The following ELMO1 variants were observed in gnomAD, a reference collection of about 807,000 sequenced individuals.
ELMO1 encodes the protein engulfment and cell motility 1, also known as engulfment and cell motility protein 1.
ELMO1 carries 26 observed loss-of-function variants against 98.9 expected under a neutral mutation model. The observed-to-expected ratio is 0.26, with a 90% CI of 0.19 to 0.36. The LOEUF (loss-of-function observed/expected upper bound fraction) is 0.36. Ranked by LOEUF, ELMO1 falls within the 10% of genes least tolerant of loss-of-function variation. The pLI is 1.00. For synonymous variants in ELMO1, 346 were observed against 346.0 expected (o/e 1.00, Z 0.00); for missense variants, 627 against 935.2 (o/e 0.67, Z 4.30).
intron 16 of ELMO1, chr7:36,985,855 G>C (rs1324649445): frequency 1.0e-6 from 1 of 976,594 alleles, no homozygotes; most frequent in Non-Finnish European, 1.2e-6. Context: ...CAGACAATAG[G>C]ACAAAGCTAC....
At chr7:37,395,137 A>C (rs1295872823) in intron 1 of ELMO1, among the ~76,000 whole-genome samples, 1 of 152,066 alleles carries the variant, frequency 6.6e-6, no homozygotes, top group Non-Finnish European at 1.5e-5. Flanking sequence ...AGGCCGAGGC[A>C]GGCAGATCAC....
At chr7:37,037,307 G>T (rs4723609) in intron 15 of ELMO1, among the ~76,000 whole-genome samples, 149,659 of 152,352 alleles carry the variant, frequency 0.98, 73,516 homozygotes, top group East Asian at 1. Flanking sequence ...GTTGTTCTGT[G>T]ATTTTCAATA....
rs1411261942 is a variant in ELMO1 at position 37,010,611 on chromosome 7, G to A, written c.1437+2688C>T. On this transcript the variant is annotated intron_variant, in intron 16 of 21. Transcript: ENST00000310758. ...GGAATGCAGGTGACCACCAGAAAGT[G>A]AAAAAGGCAAGGAAACAAATTCTCT... Among the ~76,000 whole-genome samples, 4 of 152,262 alleles carry A rather than the reference G, an allele frequency of 2.6e-5. No individual in the cohort carries two copies. The East Asian group carries it at 5.8e-4, about 22-fold the overall frequency.
intron 16 of ELMO1, among the ~76,000 whole-genome samples, chr7:36,942,764 C>T (rs997639333): frequency 2.0e-5 from 3 of 151,986 alleles, no homozygotes; most frequent in Non-Finnish European, 4.4e-5. Context: ...GATTTAGTGC[C>T]CTAGCCAGGA....
At chr7:37,130,538 G>A (rs959128332) in intron 14 of ELMO1, among the ~76,000 whole-genome samples, 2 of 152,226 alleles carry the variant, frequency 1.3e-5, no homozygotes, top group East Asian at 1.9e-4. Flanking sequence ...CAAGGCCAAC[G>A]AGACAAAGGA....
At chr7:37,271,706 C>CA in intron 5 of ELMO1, 126 bp downstream of exon 5, 1 of 964,412 alleles carries the variant, frequency 1.0e-6, no homozygotes, top group East Asian at 2.5e-5. Flanking sequence ...ATCTGCATGT[C>CA]AGGACATTCT....
chr7:37,001,338 A>G (rs1792657876), intron 16 of ELMO1, among the ~76,000 whole-genome samples: 1 of 152,208 alleles, frequency 6.6e-6, no homozygotes, highest in South Asian at 2.1e-4. Context: ...GGTCAGGTGG[A>G]CCATTTTTAA....
intron 8 of ELMO1, among the ~76,000 whole-genome samples, chr7:37,226,998 C>T (rs1161941317): frequency 6.6e-6 from 1 of 152,122 alleles, no homozygotes; most frequent in African/African-American, 2.4e-5. Context: ...CAAAAGGATG[C>T]CACCATTTGG....
intron 16 of ELMO1, among the ~76,000 whole-genome samples, chr7:36,958,414 G>A (rs926720363): frequency 7.9e-5 from 12 of 152,180 alleles, no homozygotes; most frequent in Non-Finnish European, 1.6e-4. Flanking sequence ...TCACTCCTCA[G>A]ACAACTATGT....
intron 16 of ELMO1, among the ~76,000 whole-genome samples, chr7:36,908,484 C>T (rs1784118683): frequency 6.6e-6 from 1 of 151,608 alleles, no homozygotes; most frequent in Admixed American, 6.6e-5. Context: ...AAAATGATTT[C>T]CAAAAGGATA....
intron 16 of ELMO1, among the ~76,000 whole-genome samples, chr7:36,964,785 C>T (rs1187430402): frequency 6.6e-6 from 1 of 152,100 alleles, no homozygotes; most frequent in Admixed American, 6.5e-5. Context: ...ACAACGCATA[C>T]GTGAGTTACC....
At chr7:37,447,747 C>T (rs1314218203) in intron 1 of ELMO1, among the ~76,000 whole-genome samples, 4 of 150,892 alleles carry the variant, frequency 2.7e-5, no homozygotes, top group African/African-American at 7.3e-5. Context: ...CACACACACA[C>T]ACGCCGCCTC....
chr7:37,362,673 C>G (rs1801742520), intron 1 of ELMO1, among the ~76,000 whole-genome samples: 1 of 152,122 alleles, frequency 6.6e-6, no homozygotes, highest in South Asian at 2.1e-4. Flanking sequence ...AGGTATCTCA[C>G]AAGCATCTCA....
intron 13 of ELMO1, among the ~76,000 whole-genome samples, chr7:37,159,507 C>A (rs1027171757): frequency 1.3e-5 from 2 of 152,112 alleles, no homozygotes; most frequent in African/African-American, 4.8e-5. Flanking sequence ...TCAAGACCAG[C>A]CTGGCCAACA....
At chr7:37,168,421 TAG>T (rs1397887068) in intron 13 of ELMO1, among the ~76,000 whole-genome samples, 4 of 152,226 alleles carry the variant, frequency 2.6e-5, no homozygotes, top group Non-Finnish European at 5.9e-5. Context: ...CTCTGCTTTT[TAG>T]AGTTTCCAGT....
At chr7:37,406,530 C>G (rs1803772365) in intron 1 of ELMO1, among the ~76,000 whole-genome samples, 1 of 151,890 alleles carries the variant, frequency 6.6e-6, no homozygotes, top group Admixed American at 6.6e-5. Context: ...CCCGGGTTCA[C>G]ACCATTGTCC....
At chr7:37,065,788 A>G (rs746912603) in intron 15 of ELMO1, among the ~76,000 whole-genome samples, 2 of 152,218 alleles carry the variant, frequency 1.3e-5, no homozygotes, top group South Asian at 4.1e-4. Flanking sequence ...GCATAGAGAC[A>G]CTGCCTGCCC....
chr7:37,362,969 G>A (rs907581113), intron 1 of ELMO1, among the ~76,000 whole-genome samples: 3 of 152,180 alleles, frequency 2.0e-5, no homozygotes, highest in Non-Finnish European at 4.4e-5. Context: ...GTACTGATAT[G>A]GAAGGCAGAC....
At chr7:37,099,863 A>C (rs1349094654) in intron 14 of ELMO1, among the ~76,000 whole-genome samples, 1 of 143,220 alleles carries the variant, frequency 7.0e-6, no homozygotes, top group East Asian at 2.0e-4. Context: ...ATGTAGTTTC[A>C]CTCTTGTTGC....
Sources: allele counts gnomAD v4.1 joint callset (sites outside exome capture counted in the v4.1 genomes callset), GRCh38; gene constraint gnomAD v4.1.1; transcripts MANE v1.5; gene names NCBI Gene and HGNC (gene_info 2026-07-23, HGNC 2026-07-21).